Variants in RFPL1 observed in about 807,000 individuals in gnomAD.
The protein encoded by RFPL1 is ret finger protein like 1, also known as ret finger protein-like 1.
In RFPL1, 6 loss-of-function variants were observed where a neutral mutation model predicts 9.6. The observed-to-expected ratio is 0.62, with a 90% CI of 0.34 to 1.23. RFPL1 has a LOEUF of 1.23. Among genes scored for constraint, RFPL1 ranks in the 50% most tolerant of loss-of-function variants. The pLI is 0.03. For missense variants in RFPL1, 352 were observed against 398.4 expected (o/e 0.88, Z 0.99); for synonymous variants, 145 against 149.4 (o/e 0.97, Z 0.22).
At chr22:29,398,751 C>T in the RFPL1 span, among the ~76,000 whole-genome samples, 3 of 152,180 alleles carry the variant, frequency 2.0e-5, no homozygotes, top group African/African-American at 4.8e-5. Context: ...TTTAGTCTCC[C>T]GTGTAGCTAG....
chr22:29,424,833 A>ACCC, the RFPL1 span, among the ~76,000 whole-genome samples: 116 of 39,204 alleles, frequency 3.0e-3, no homozygotes, highest in East Asian at 0.019. Context: ...TGTCCCTCCC[A>ACCC]CCCCCCCCCC....
At chr22:29,424,833 A>ACCCC in the RFPL1 span, among the ~76,000 whole-genome samples, 1 of 39,220 alleles carries the variant, frequency 2.5e-5, no homozygotes, top group East Asian at 9.4e-4. Flanking sequence ...TGTCCCTCCC[A>ACCCC]CCCCCCCCCC....
chr22:29,435,203 T>TATG (rs1277758213), upstream of RFPL1, among the ~76,000 whole-genome samples: 1 of 152,240 alleles, frequency 6.6e-6, no homozygotes, highest in Non-Finnish European at 1.5e-5. Context: ...CTTTGGGTTT[T>TATG]ATGGGCCGTG....
the RFPL1 span, among the ~76,000 whole-genome samples, chr22:29,394,278 C>T: frequency 7.9e-5 from 12 of 152,330 alleles, no homozygotes; most frequent in African/African-American, 2.9e-4. Context: ...CTCAGCCTCC[C>T]GAGTAGCTGG....
At chr22:29,395,244 C>T in the RFPL1 span, among the ~76,000 whole-genome samples, 1 of 152,166 alleles carries the variant, frequency 6.6e-6, no homozygotes, top group Non-Finnish European at 1.5e-5. Flanking sequence ...AGCCTTTCCG[C>T]ACTCTTGTTC....
At chr22:29,418,327 G>A in the RFPL1 span, among the ~76,000 whole-genome samples, 1 of 152,102 alleles carries the variant, frequency 6.6e-6, no homozygotes, top group Admixed American at 6.5e-5. Context: ...CACACGACCT[G>A]CTTTAGCTAT....
chr22:29,416,228 C>G, the RFPL1 span, among the ~76,000 whole-genome samples: 2 of 152,218 alleles, frequency 1.3e-5, no homozygotes, highest in East Asian at 3.9e-4. Flanking sequence ...GACATCCTGT[C>G]ATTGCATGCA....
chr22:29,390,762 A>AT, the RFPL1 span, among the ~76,000 whole-genome samples: 8 of 149,782 alleles, frequency 5.3e-5, no homozygotes, highest in Admixed American at 6.7e-5. Context: ...CGCCCGGCTA[A>AT]TTTTTTTTGT....
chr22:29,388,442 C>G, the RFPL1 span: 3 of 152,408 alleles, frequency 2.0e-5, no homozygotes, highest in Admixed American at 2.0e-4. Context: ...CCCAATAGCT[C>G]CCGGCGCCCC....
chr22:29,416,632 G>C, the RFPL1 span, among the ~76,000 whole-genome samples: 1 of 152,326 alleles, frequency 6.6e-6, no homozygotes, highest in African/African-American at 2.4e-5. Context: ...GAGGGTCGCA[G>C]GGAAGCAGGA....
At chr22:29,438,486 C>T, upstream of RFPL1, 1 of 811,930 alleles carries the variant, frequency 1.2e-6, no homozygotes, top group Non-Finnish European at 1.7e-6. Context: ...CCCGGCCTCC[C>T]AGCCCCTAAT....
At chr22:29,427,490 C>T in the RFPL1 span, among the ~76,000 whole-genome samples, 1 of 152,236 alleles carries the variant, frequency 6.6e-6, no homozygotes, top group Non-Finnish European at 1.5e-5. Flanking sequence ...CAGCCTCCAT[C>T]AGACAACCAA....
chr22:29,437,454 T>A (rs947979731), upstream of RFPL1: 1 of 658,960 alleles, frequency 1.5e-6, no homozygotes, highest in Non-Finnish European at 2.5e-6. Context: ...TAATTTAATA[T>A]AAAGGCAATT....
At chr22:29,438,967 T>C in exon 1 of RFPL1, 1 of 1,613,938 alleles carries the variant, frequency 6.2e-7, no homozygotes, top group South Asian at 1.1e-5. Flanking sequence ...GGATGCGCTG[T>C]CTGCTTCAAG....
At chr22:29,399,994 CTTT>C in the RFPL1 span, among the ~76,000 whole-genome samples, 14 of 116,258 alleles carry the variant, frequency 1.2e-4, no homozygotes, top group African/African-American at 1.4e-4. Context: ...CTTTTCTTTT[CTTT>C]TTTTTTTTTT....
the RFPL1 span, among the ~76,000 whole-genome samples, chr22:29,431,784 C>A: frequency 6.6e-6 from 1 of 151,444 alleles, no homozygotes; most frequent in Non-Finnish European, 1.5e-5. Flanking sequence ...CTCCCGGAGA[C>A]GATTCAAGTG....
the RFPL1 span, among the ~76,000 whole-genome samples, chr22:29,422,912 T>C: frequency 2.1e-4 from 32 of 152,212 alleles, no homozygotes; most frequent in African/African-American, 7.2e-4. Context: ...CACTTGGAGC[T>C]AATGTTCTTC....
chr22:29,413,154 C>G, the RFPL1 span, among the ~76,000 whole-genome samples: 2 of 151,676 alleles, frequency 1.3e-5, no homozygotes. Context: ...GCTGTCCCAT[C>G]TAGTGTGGTT....
the RFPL1 span, among the ~76,000 whole-genome samples, chr22:29,427,728 G>T: frequency 1.3e-5 from 2 of 152,164 alleles, no homozygotes; most frequent in Non-Finnish European, 2.9e-5. Context: ...CTGGGGGTGG[G>T]GGTGAAGGGT....
Sources: gnomAD v4.1 joint callset for allele counts (sites outside exome capture counted in the v4.1 genomes callset) on GRCh38, gnomAD v4.1.1 for gene constraint, MANE v1.5 for transcripts, NCBI Gene and HGNC (gene_info 2026-07-23, HGNC 2026-07-21) for gene names.